LRP1B: variants seen among roughly 807,000 people sequenced by gnomAD.
LRP1B encodes LDL receptor related protein 1B.
Under a neutral mutation model 556.6 loss-of-function variants are expected in LRP1B, and 217 were observed. The observed-to-expected ratio is 0.39, with a 90% CI of 0.35 to 0.44. The LOEUF is 0.44. Among genes scored for constraint, LRP1B ranks in the 20% least tolerant of loss-of-function variants. The pLI is 1.00. For missense variants in LRP1B, 5,053 were observed against 5,620.8 expected, an observed-to-expected ratio of 0.90 and a Z score of 3.23; for synonymous variants, 2,047 against 1,865.8, an observed-to-expected ratio of 1.10 and a Z score of -2.50.
chr2:140,465,287 C>T (rs1687498121), intron 60 of LRP1B, among the ~76,000 whole-genome samples: 1 of 152,110 alleles, frequency 6.6e-6, no homozygotes, highest in African/African-American at 2.4e-5. Context: ...CCACCAGACC[C>T]CAACTCTAGC....
At chr2:142,118,138 ATTTT>A (rs1056905559) in intron 1 of LRP1B, among the ~76,000 whole-genome samples, 1 of 151,058 alleles carries the variant, frequency 6.6e-6, no homozygotes, top group African/African-American at 2.4e-5. Flanking sequence ...CCTTTATATG[ATTTT>A]TTTTTCTTTG....
intron 2 of LRP1B, among the ~76,000 whole-genome samples, chr2:141,567,649 G>A (rs566333883): frequency 6.6e-6 from 1 of 151,948 alleles, no homozygotes; most frequent in Non-Finnish European, 1.5e-5. Context: ...TGTTAAAAGA[G>A]ACTCTCTAAG....
chr2:141,737,287 G>A (rs577763630), intron 2 of LRP1B, among the ~76,000 whole-genome samples: 27 of 152,288 alleles, frequency 1.8e-4, no homozygotes, highest in Non-Finnish European at 2.8e-4. Context: ...GGGAAGTGGA[G>A]GTTGCAGTGA....
intron 77 of LRP1B, among the ~76,000 whole-genome samples, chr2:140,345,757 T>C (rs144901040): frequency 5.5e-4 from 68 of 123,370 alleles, no homozygotes; most frequent in Non-Finnish European, 7.7e-4. Flanking sequence ...TACACATATA[T>C]ACATATATAC....
intron 1 of LRP1B, among the ~76,000 whole-genome samples, chr2:141,959,462 T>C (rs1214735509): frequency 1.3e-5 from 2 of 151,976 alleles, no homozygotes; most frequent in African/African-American, 2.4e-5. Context: ...TTTTCTAACA[T>C]TTGTGCACAA....
intron 2 of LRP1B, among the ~76,000 whole-genome samples, chr2:141,576,617 A>C (rs1038690400): frequency 5.9e-5 from 9 of 151,952 alleles, no homozygotes; most frequent in African/African-American, 2.2e-4. Context: ...AGCCAGGTTT[A>C]GTTGTACATG....
intron 2 of LRP1B, among the ~76,000 whole-genome samples, chr2:141,661,005 C>T (rs937547848): frequency 6.6e-6 from 1 of 152,170 alleles, no homozygotes; most frequent in African/African-American, 2.4e-5. Flanking sequence ...CCACTGGTGA[C>T]ACCTCCAGGT....
rs1244495512 is a variant in LRP1B at position 140,445,436 on chromosome 2, C to T, written c.10058-757G>A. Among the ~76,000 whole-genome samples, 18 of 152,102 alleles carry T rather than the reference C, an allele frequency of 1.2e-4. 1 individual carries two copies. Among genetic ancestry groups the T allele is most frequent in the Admixed American group, 1.2e-3 (18 of 15,252 alleles). On this transcript the variant is annotated intron_variant, in intron 63 of 90. Transcript: ENST00000389484. ...GGCCCACGATACATATTCTCCAGCA[C>T]AACGTAAAGCAAATGCTTTCTATAT...
intron 6 of LRP1B, among the ~76,000 whole-genome samples, chr2:141,220,815 G>A (rs1014926367): frequency 2.0e-5 from 3 of 149,792 alleles, no homozygotes; most frequent in African/African-American, 7.4e-5. Flanking sequence ...TTCATTATCA[G>A]CCATACTAAG....
Position 140,451,948 on chromosome 2 carries a change from A to T in LRP1B, c.9964-1287T>A, listed in dbSNP as rs576514576. On this transcript the variant is annotated intron_variant, in intron 62 of 90. Transcript: ENST00000389484. ...ACAAAAAGTCATGAGAAAGGTAATAATTCTATTATTTACAGAAATGGAAAT... is the reference window on the plus strand; with the variant it reads ...ACAAAAAGTCATGAGAAAGGTAATATTTCTATTATTTACAGAAATGGAAAT... Among the ~76,000 whole-genome samples the T allele has an allele frequency of 5.3e-5, 8 of 152,276 alleles. No homozygotes were observed. In the South Asian group the frequency reaches 1.7e-3, roughly 32 times the overall value.
intron 41 of LRP1B, among the ~76,000 whole-genome samples, chr2:140,640,533 C>T (rs1684254924): frequency 6.7e-6 from 1 of 150,108 alleles, no homozygotes; most frequent in African/African-American, 2.5e-5. Context: ...GTAGCTGGGA[C>T]TACAGGCGCC....
At chr2:140,414,461 A>G (rs1035651420) in intron 66 of LRP1B, among the ~76,000 whole-genome samples, 9 of 152,162 alleles carry the variant, frequency 5.9e-5, no homozygotes, top group South Asian at 4.1e-4. Context: ...CTGTAAGTCA[A>G]CTGCATGTAA....
intron 43 of LRP1B, among the ~76,000 whole-genome samples, chr2:140,595,088 A>ATATATCTATATATC (rs1491197082): frequency 4.7e-4 from 1 of 2,120 alleles, no homozygotes; most frequent in African/African-American, 1.4e-3. Context: ...TATAAATTGA[A>ATATATCTATATATC]TATATATATA....
Position 140,748,225 on chromosome 2 carries a change from T to C in LRP1B, c.5758+20988A>G, listed in dbSNP as rs1220140475. Among the ~76,000 whole-genome samples, 38 of 133,072 alleles carry C rather than the reference T, an allele frequency of 2.9e-4. 1 individual carries two copies. The highest frequency in any genetic ancestry group is 1.1e-3 in the South Asian group (5 of 4,468). The allele number at this position is 133,072 out of a possible 152,430, so 87.3% of individuals were successfully genotyped here. Reference sequence around the variant, plus strand: ...TATATTATATTCTTATATATAAAAGTCAAATATCCATAAATATATATTCAT... The same window carrying C: ...TATATTATATTCTTATATATAAAAGCCAAATATCCATAAATATATATTCAT... On this transcript the variant is annotated intron_variant, in intron 35 of 90. Coordinates refer to ENST00000389484, the MANE Select transcript of LRP1B (RefSeq NM_018557.3).
chr2:140,607,513 A>G (rs975019245), intron 41 of LRP1B, among the ~76,000 whole-genome samples: 1 of 152,100 alleles, frequency 6.6e-6, no homozygotes, highest in African/African-American at 2.4e-5. Context: ...AAGAAGAAAC[A>G]GCCCAGATGT....
chr2:140,371,046 T>C (rs1388199689), intron 70 of LRP1B, 133 bp downstream of exon 70: 1 of 778,642 alleles, frequency 1.3e-6, no homozygotes, highest in African/African-American at 1.8e-5. Context: ...CTGAAATGAT[T>C]GCATTCAATG....
chr2:140,851,140 A>C, intron 28 of LRP1B, among the ~76,000 whole-genome samples: 1 of 152,118 alleles, frequency 6.6e-6, no homozygotes, highest in Non-Finnish European at 1.5e-5. Context: ...TATCTTTTTT[A>C]GTTCAAATGC....
intron 3 of LRP1B, among the ~76,000 whole-genome samples, chr2:141,364,253 T>C (rs1688936388): frequency 1.4e-5 from 2 of 145,152 alleles, no homozygotes; most frequent in South Asian, 2.2e-4. Context: ...AGAATGAAGA[T>C]ATAACCTGGA....
chr2:140,538,665 T>C (rs540556812), intron 45 of LRP1B, among the ~76,000 whole-genome samples: 2 of 152,222 alleles, frequency 1.3e-5, no homozygotes, highest in East Asian at 3.9e-4. Context: ...AACAGAACAA[T>C]ATTAAATTAA....
Sources: gnomAD v4.1 joint callset for allele counts (sites outside exome capture counted in the v4.1 genomes callset) on GRCh38, gnomAD v4.1.1 for gene constraint, MANE v1.5 for transcripts, NCBI Gene and HGNC (gene_info 2026-07-23, HGNC 2026-07-21) for gene names.